Variants in SLC17A7 observed in about 807,000 individuals in gnomAD.
SLC17A7 encodes vesicular glutamate transporter 1.
SLC17A7 carries 15 observed loss-of-function variants against 59.1 expected under a neutral mutation model. That is an observed-to-expected ratio of 0.25 (90% CI 0.17 to 0.39). The LOEUF (loss-of-function observed/expected upper bound fraction) is 0.39, where lower values mean the gene tolerates loss of function less well. Ranked by LOEUF, SLC17A7 falls within the 10% of genes least tolerant of loss-of-function variation. The pLI is 1.00. For synonymous variants in SLC17A7, 353 were observed against 308.9 expected (o/e 1.14, Z -1.50); for missense variants, 499 against 765.1 (o/e 0.65, Z 4.10).
chr19:49,437,745 C>T (rs938195539), intron 1 of SLC17A7: 1 of 150,388 alleles, frequency 6.6e-6, no homozygotes, highest in Admixed American at 6.6e-5. Flanking sequence ...GGGACAGAGA[C>T]CCAGAGATAC....
intron 2 of SLC17A7, 69 bp from the exon 3 acceptor site, chr19:49,435,355 AC>A (rs2078976192): frequency 8.8e-7 from 1 of 1,140,994 alleles, no homozygotes; most frequent in Admixed American, 1.8e-5. Flanking sequence ...ATCAGCACCC[AC>A]AGACTTAGCG....
chr19:49,436,291 G>A lies in SLC17A7; in HGVS notation c.315+258C>T. 1 of 545,398 alleles carries A rather than the reference G, an allele frequency of 1.8e-6. No homozygotes were observed. Among genetic ancestry groups the A allele is most frequent in the Non-Finnish European group, 3.3e-6 (1 of 306,606 alleles). 33.8% of individuals were successfully genotyped at this position (545,398 alleles called of 1,614,324 possible). A position where few individuals can be genotyped will look rare whatever the true frequency, so the allele number is the denominator to read the frequency against. The stretch of plus-strand genomic sequence containing the variant: ...AACCCCTAGGGAACCTGATGTTGGG[G>A]CGGACTCTACATTTTTCAATCAAGC... On this transcript the variant is annotated intron_variant, in intron 2 of 11. Coordinates refer to ENST00000221485, the MANE Select transcript of SLC17A7 (RefSeq NM_020309.4). The surrounding 1 kb of genome is among the most constrained non-coding windows in gnomAD (Gnocchi z 4.1).
At position 49,441,499 on chromosome 19, in the gene SLC17A7, C is replaced by T. The variant is rs2122312605; in HGVS notation, c.-120G>A. On this transcript the variant is annotated 5_prime_UTR_variant, in exon 1 of 12. Transcript: ENST00000221485. ...AGCCCCGGCCCGGCCGGCCCCGCAGCTCCGCTCGGGGGGAAGGAGGCTGCA... is the reference window on the plus strand; with the variant it reads ...AGCCCCGGCCCGGCCGGCCCCGCAGTTCCGCTCGGGGGGAAGGAGGCTGCA... 1.9e-6 allele frequency: 2 copies of T among 1,070,628 alleles called. No homozygotes were observed. Among genetic ancestry groups the T allele is most frequent in the East Asian group, 7.1e-5 (1 of 14,144 alleles). The allele number at this position is 1,070,628 out of a possible 1,614,324, so 66.3% of individuals were successfully genotyped here.
intron 11 of SLC17A7, 50 bp downstream of exon 11, chr19:49,430,965 G>T (rs2078957024): frequency 4.4e-6 from 7 of 1,575,786 alleles, no homozygotes; most frequent in African/African-American, 1.3e-5. Flanking sequence ...GGTCAGTTAG[G>T]TACGAAGCAC....
At chr19:49,439,704 G>A (rs1349438901) in intron 1 of SLC17A7, among the ~76,000 whole-genome samples, 1 of 152,186 alleles carries the variant, frequency 6.6e-6, no homozygotes, top group African/African-American at 2.4e-5. Context: ...GCAAACCCCA[G>A]GCATTGGAAG....
chr19:49,437,389 G>C, intron 1 of SLC17A7: 1 of 156,888 alleles, frequency 6.4e-6, no homozygotes, highest in Non-Finnish European at 1.4e-5. Context: ...GCAGGGGACA[G>C]ATGGCCCTGG....
chr19:49,439,109 G>A (rs377411559), intron 1 of SLC17A7, among the ~76,000 whole-genome samples: 116 of 152,134 alleles, frequency 7.6e-4, no homozygotes, highest in African/African-American at 2.5e-3. Flanking sequence ...GGGACTTGGC[G>A]ATGAGGAAAA....
chr19:49,435,215 G>A lies in SLC17A7; in HGVS notation c.387C>T (p.Val129=). 1 of 1,614,174 alleles carries A rather than the reference G, an allele frequency of 6.2e-7. No homozygotes were observed. The highest frequency in any genetic ancestry group is 8.5e-7 in the Non-Finnish European group (1 of 1,180,036). The change falls in exon 3 of 12, where the codon GTC becomes GTT. Residue 129 remains valine (V), a synonymous_variant. Coordinates refer to ENST00000221485, the MANE Select transcript of SLC17A7 (RefSeq NM_020309.4). ...AGATAAATCCTCCTGGAATCTGAGTGACAATGTAGCCCCAGAAAAAGGAGC... is the reference window on the plus strand; with the variant it reads ...AGATAAATCCTCCTGGAATCTGAGTAACAATGTAGCCCCAGAAAAAGGAGC... ...IHGSFFWGYI[V]TQIPGGFICQ... is the part of the protein sequence containing the mutation.
intron 1 of SLC17A7, chr19:49,437,342 T>G: frequency 6.3e-6 from 1 of 158,618 alleles, no homozygotes; most frequent in Admixed American, 5.9e-5. Flanking sequence ...GCTGCCAGCC[T>G]AGGGGGTAGG....
At chr19:49,435,445 T>A in intron 2 of SLC17A7, 159 bp from the exon 3 acceptor site, 1 of 624,356 alleles carries the variant, frequency 1.6e-6, no homozygotes, top group Non-Finnish European at 2.9e-6. Flanking sequence ...TTTCTGTCAA[T>A]TAAAGTCTAC....
In SLC17A7 at chr19:49,430,823, C is replaced by T; in HGVS notation, c.1390-11G>A. 1.3e-6 allele frequency: 2 copies of T among 1,598,174 alleles called. No homozygotes were observed. Among genetic ancestry groups the T allele is most frequent in the Non-Finnish European group, 1.7e-6 (2 of 1,170,670 alleles). ...CCACTCCTCCCGAGTCTGCAGGGGA[C>T]AATAGGGCTGAGGTCAAATGGGAGG... On this transcript the variant is annotated splice_polypyrimidine_tract_variant and intron_variant, in intron 11 of 11. Transcript: ENST00000221485.
Position 49,431,188 on chromosome 19 carries a change from G to T in SLC17A7, c.1262-46C>A, listed in dbSNP as rs532385556. 6.3e-7 allele frequency: 1 copy of T among 1,590,868 alleles called. No individual in the cohort carries two copies. On this transcript the variant is annotated intron_variant, in intron 10 of 11. Transcript: ENST00000221485. The surrounding 1 kb of genome is among the most constrained non-coding windows in gnomAD (Gnocchi z 4.6). The stretch of plus-strand genomic sequence containing the variant: ...AAGGCGTCACACCGGAATCTCACTC[G>T]AGTGATTCCCACTGGGACGTTCTCA...
Position 49,429,954 on chromosome 19 carries a change from C to T in SLC17A7, c.*565G>A, listed in dbSNP as rs376954341. 4.7e-5 allele frequency: 9 copies of T among 192,052 alleles called. No homozygotes were observed. In the South Asian group the frequency reaches 1.5e-3, roughly 33 times the overall value. 11.9% of individuals were successfully genotyped at this position (192,052 alleles called of 1,614,324 possible). A position where few individuals can be genotyped will look rare whatever the true frequency, so the allele number is the denominator to read the frequency against. On this transcript the variant is annotated 3_prime_UTR_variant, in exon 12 of 12. Transcript: ENST00000221485. ...TGGTAGGGGAGATGTGAAGTGGGCA[C>T]GGAATCGGGGACTTGAAACCGCCAT...
In SLC17A7 at chr19:49,436,957, C is replaced by A. The variant is rs1420422873; in HGVS notation, c.63-156G>T. ...GAGTCCAGGTCCCTGGCTCCCTTCG[C>A]CCCCCTGATCCAGAAATCCTCCATC... On this transcript the variant is annotated intron_variant, in intron 1 of 11. Transcript: ENST00000221485. The surrounding 1 kb of genome is among the most constrained non-coding windows in gnomAD (Gnocchi z 4.1). 3 of 1,111,236 alleles carry A rather than the reference C, an allele frequency of 2.7e-6. No individual in the cohort carries two copies. In the East Asian group the frequency reaches 7.8e-5, roughly 29 times the overall value. The allele number at this position is 1,111,236 out of a possible 1,614,324, so 68.8% of individuals were successfully genotyped here.
At chr19:49,435,559 C>CT (rs1219904605) in intron 2 of SLC17A7, 1 of 359,366 alleles carries the variant, frequency 2.8e-6, no homozygotes, top group Non-Finnish European at 5.1e-6. Context: ...CCATGAAAGC[C>CT]TAGGGGCCCA....
In SLC17A7 at chr19:49,431,326, C is replaced by T; in HGVS notation, c.1261+12G>A. On this transcript the variant is annotated intron_variant, in intron 10 of 11. Coordinates refer to ENST00000221485, the MANE Select transcript of SLC17A7 (RefSeq NM_020309.4). This position sits in a 1 kb window ranked among gnomAD's most constrained non-coding sequence, Gnocchi z 4.6. Reference sequence around the variant, plus strand: ...ACCAGAGTCCCCCAAGCTGCGGATCCGCGGTTCTCACCAGAGATGGCGAAG... The same window carrying T: ...ACCAGAGTCCCCCAAGCTGCGGATCTGCGGTTCTCACCAGAGATGGCGAAG... 1.2e-6 allele frequency: 2 copies of T among 1,613,020 alleles called. 1 individual carries two copies. The highest frequency in any genetic ancestry group is 1.7e-6 in the Non-Finnish European group (2 of 1,179,214).
intron 1 of SLC17A7, among the ~76,000 whole-genome samples, chr19:49,440,134 C>T (rs1243966628): frequency 2.6e-5 from 4 of 152,178 alleles, no homozygotes; most frequent in Non-Finnish European, 5.9e-5. Context: ...TTATTCTTGT[C>T]TCTCATGTTA....
At position 49,436,826 on chromosome 19, in the gene SLC17A7, C is replaced by T. The variant is rs765488535; in HGVS notation, c.63-25G>A. 6.3e-7 allele frequency: 1 copy of T among 1,594,780 alleles called. No individual in the cohort carries two copies. Among genetic ancestry groups the T allele is most frequent in the African/African-American group, 1.3e-5 (1 of 74,932 alleles). ...GCTGCGGGACAGCAAGAGCCAGAGACTCGGAAGTCCAGGCCCCCAGCCCCC... is the reference window on the plus strand; with the variant it reads ...GCTGCGGGACAGCAAGAGCCAGAGATTCGGAAGTCCAGGCCCCCAGCCCCC... On this transcript the variant is annotated intron_variant, in intron 1 of 11. Coordinates refer to ENST00000221485, the MANE Select transcript of SLC17A7 (RefSeq NM_020309.4). The surrounding 1 kb of genome is among the most constrained non-coding windows in gnomAD (Gnocchi z 4.1).
rs1733120659 is a variant in SLC17A7 at position 49,430,675 on chromosome 19, G to A, written c.1527C>T (p.Gly509=). 1 of 1,614,156 alleles carries A rather than the reference G, an allele frequency of 6.2e-7. No individual in the cohort carries two copies. Among genetic ancestry groups the A allele is most frequent in the East Asian group, 2.2e-5 (1 of 44,876 alleles). The change falls in exon 12 of 12, where the codon GGC becomes GGT. Residue 509 remains glycine, a synonymous_variant. Coordinates refer to ENST00000221485, the MANE Select transcript of SLC17A7 (RefSeq NM_020309.4). ...CAGCCAGCTGGTCATGGCCAACGAA[G>A]CCACACTTCTCCTCGCTCATCTCCT... ...EPEEMSEEKC[G]FVGHDQLAGS...
Sources: gnomAD v4.1 joint callset for allele counts (sites outside exome capture counted in the v4.1 genomes callset) on GRCh38, gnomAD v4.1.1 for gene constraint, Gnocchi (gnomAD v3.1) non-coding constraint, MANE v1.5 for transcripts, NCBI Gene and HGNC (gene_info 2026-07-23, HGNC 2026-07-21) for gene names.